VPS13B: variants seen among roughly 807,000 people sequenced by gnomAD.
VPS13B encodes vacuolar protein sorting 13 homolog B.
A neutral mutation model predicts 426.4 loss-of-function variants in VPS13B; 285 were observed. The ratio of observed to expected loss-of-function variants is 0.67; its 90% CI spans 0.61 to 0.74. VPS13B has a LOEUF of 0.74. Ranked by LOEUF, VPS13B falls within the 30% of genes least tolerant of loss-of-function variation. The pLI is 0.00. For missense variants in VPS13B, 4,537 were observed against 4,782.6 expected (o/e 0.95, Z 1.51); for synonymous variants, 1,676 against 1,676.4 (o/e 1.00, Z 0.01).
At chr8:99,530,581 T>C (rs1034512414) in intron 30 of VPS13B, among the ~76,000 whole-genome samples, 51 of 146,444 alleles carry the variant, frequency 3.5e-4, no homozygotes, top group African/African-American at 1.3e-3. Flanking sequence ...GCCACTGCAC[T>C]CCAGCCTGGG....
intron 19 of VPS13B, among the ~76,000 whole-genome samples, chr8:99,332,089 T>C (rs1021714161): frequency 1.3e-5 from 2 of 151,622 alleles, no homozygotes; most frequent in African/African-American, 4.8e-5. Context: ...TTGTAGAAAA[T>C]TGTGAATTTA....
intron 39 of VPS13B, among the ~76,000 whole-genome samples, chr8:99,724,875 C>G (rs927643583): frequency 9.9e-5 from 15 of 152,156 alleles, no homozygotes; most frequent in Non-Finnish European, 1.8e-4. Context: ...CCAGACTGAC[C>G]TTGAGAGCCC....
chr8:99,720,510 G>C lies in VPS13B; in HGVS notation c.6823G>C (p.Asp2275His), dbSNP rs1833091516. The C allele has an allele frequency of 6.2e-7, 1 of 1,613,908 alleles. No individual in the cohort carries two copies. Among genetic ancestry groups the C allele is most frequent in the African/African-American group, 1.3e-5 (1 of 74,928 alleles). Residue 2275 changes from aspartate to histidine, a missense_variant, in exon 38 of 62, where the codon GAT (aspartate) becomes CAT (histidine). By Grantham distance (81) the Asp-to-His change is moderately conservative. Coordinates refer to ENST00000357162, the MANE Select transcript of VPS13B (RefSeq NM_152564.5). ...GACATTTAAAAGTGAACAAAGTTCA[G>C]ATGACCTACGGACAGGTCTATTTCA... ...NQTFKSEQSS[D>H]DLRTGLFQYV...
intron 43 of VPS13B, among the ~76,000 whole-genome samples, chr8:99,795,349 T>C (rs1812753182): frequency 6.6e-6 from 1 of 152,228 alleles, no homozygotes; most frequent in Non-Finnish European, 1.5e-5. Flanking sequence ...GGCAGTCTCC[T>C]GTAGGGCCAT....
chr8:99,628,004 T>TGGA (rs1828687976), intron 33 of VPS13B, among the ~76,000 whole-genome samples: 1 of 152,244 alleles, frequency 6.6e-6, no homozygotes, highest in African/African-American at 2.4e-5. Context: ...TGAAAATCTC[T>TGGA]GGAAACAATG....
chr8:99,593,188 G>A lies in VPS13B; in HGVS notation c.5220+15555G>A, dbSNP rs187468690. On this transcript the variant is annotated intron_variant, in intron 33 of 61. Coordinates refer to ENST00000357162, the MANE Select transcript of VPS13B (RefSeq NM_152564.5). ...ATCTGACAAAGGTCTAATATCCAGA[G>A]TCTACAAGGAACTTAACCAAATTTA... 1.9e-3 allele frequency among the ~76,000 whole-genome samples: 290 copies of A among 151,742 alleles called. 2 individuals are homozygous for A. Among genetic ancestry groups the A allele is most frequent in the Admixed American group, 2.9e-3 (44 of 15,210 alleles).
At chr8:99,530,665 A>T (rs1455632926) in intron 30 of VPS13B, among the ~76,000 whole-genome samples, 1 of 152,084 alleles carries the variant, frequency 6.6e-6, no homozygotes, top group Non-Finnish European at 1.5e-5. Flanking sequence ...CAGCAGTAAT[A>T]GCTAACATCT....
chr8:99,818,512 A>AC lies in VPS13B; in HGVS notation c.8424dup (p.Ser2809LeufsTer37). 1 of 1,613,928 alleles carries AC rather than the reference A, an allele frequency of 6.2e-7. No individual in the cohort carries two copies. Among genetic ancestry groups the AC allele is most frequent in the Non-Finnish European group, 8.5e-7 (1 of 1,179,934 alleles). The stretch of plus-strand genomic sequence containing the variant: ...TGCACAGTTTTGACTTTAGAACCCA[A>AC]CTCTCAAGTGCAACAACGAATGGTG... On this transcript the variant is annotated frameshift_variant, in exon 46 of 62. Coordinates refer to ENST00000357162, the MANE Select transcript of VPS13B (RefSeq NM_152564.5). LOFTEE classifies it high-confidence loss of function.
rs1588661707 is a variant in VPS13B, at chr8:99,729,437, A to C, written c.7050+8390A>C. On this transcript the variant is annotated intron_variant, in intron 39 of 61. Coordinates refer to ENST00000357162, the MANE Select transcript of VPS13B (RefSeq NM_152564.5). The stretch of plus-strand genomic sequence containing the variant: ...AATCCTGTCGCTGTCTTCCCCTAGT[A>C]TCCTCTCAAAATGTAGGTTAGGCAA... Among the ~76,000 whole-genome samples, 7 of 152,314 alleles carry C rather than the reference A, an allele frequency of 4.6e-5. 2 individuals are homozygous for C. Among genetic ancestry groups the C allele is most frequent in the Admixed American group, 4.6e-4 (7 of 15,306 alleles).
intron 14 of VPS13B, among the ~76,000 whole-genome samples, chr8:99,151,211 T>G (rs1198174546): frequency 6.6e-6 from 1 of 152,222 alleles, no homozygotes; most frequent in East Asian, 1.9e-4. Context: ...TATTGCCCAT[T>G]TTTTAAGAGT....
At chr8:99,697,973 A>T (rs1324121215) in intron 35 of VPS13B, 2 of 409,176 alleles carry the variant, frequency 4.9e-6, no homozygotes, top group African/African-American at 2.1e-5. Context: ...AGAAGAGAAG[A>T]TGGAGGAGAA....
In VPS13B at chr8:99,820,132, C is replaced by CT. The variant is rs779535734; in HGVS notation, c.8994+16dup. 6.2e-7 allele frequency: 1 copy of CT among 1,610,832 alleles called. No homozygotes were observed. On this transcript the variant is annotated intron_variant, in intron 49 of 61. Coordinates refer to ENST00000357162, the MANE Select transcript of VPS13B (RefSeq NM_152564.5). Reference sequence around the variant, plus strand: ...TCCTCCTAATTTTCAGGTACTATAACTTTTTTAACTAATACGAATTCTTAT... The same window carrying CT: ...TCCTCCTAATTTTCAGGTACTATAACTTTTTTTAACTAATACGAATTCTTAT...
chr8:99,494,779 C>A (rs1251388638), intron 25 of VPS13B, among the ~76,000 whole-genome samples: 2 of 151,982 alleles, frequency 1.3e-5, no homozygotes, highest in Non-Finnish European at 2.9e-5. Context: ...TTGAAGTTTA[C>A]CATAATTATC....
intron 19 of VPS13B, among the ~76,000 whole-genome samples, chr8:99,357,532 G>GT (rs1203770852): frequency 6.6e-6 from 1 of 151,928 alleles, no homozygotes; most frequent in African/African-American, 2.4e-5. Flanking sequence ...GCCTAATAAA[G>GT]TTTTTTTGGT....
At chr8:99,435,409 G>T (rs1817318589) in intron 22 of VPS13B, among the ~76,000 whole-genome samples, 1 of 152,076 alleles carries the variant, frequency 6.6e-6, no homozygotes, top group Non-Finnish European at 1.5e-5. Flanking sequence ...ATGAAAGATA[G>T]TATTGGATTA....
intron 33 of VPS13B, among the ~76,000 whole-genome samples, chr8:99,636,167 C>T (rs553310186): frequency 6.8e-4 from 103 of 152,096 alleles, no homozygotes; most frequent in Non-Finnish European, 1.1e-3. Context: ...GATTTAAGTA[C>T]CATCTGGTTG....
intron 25 of VPS13B, among the ~76,000 whole-genome samples, chr8:99,492,205 G>A (rs1820641304): frequency 6.6e-6 from 1 of 152,190 alleles, no homozygotes; most frequent in Admixed American, 6.5e-5. Context: ...TTGCAGAACA[G>A]CAAATATTGC....
At chr8:99,739,107 A>T (rs1361670686) in intron 39 of VPS13B, among the ~76,000 whole-genome samples, 1 of 152,196 alleles carries the variant, frequency 6.6e-6, no homozygotes, top group Admixed American at 6.5e-5. Flanking sequence ...CACCTGGAAA[A>T]TCAGGTCACT....
chr8:99,664,294 C>T (rs1266547950), intron 35 of VPS13B, among the ~76,000 whole-genome samples: 9 of 151,456 alleles, frequency 5.9e-5, no homozygotes, highest in Non-Finnish European at 8.8e-5. Context: ...CATGAGCCAC[C>T]GTGCCCAGCC....
Sources: allele counts gnomAD v4.1 joint callset (sites outside exome capture counted in the v4.1 genomes callset), GRCh38; gene constraint gnomAD v4.1.1; transcripts MANE v1.5; gene names NCBI Gene and HGNC (gene_info 2026-07-23, HGNC 2026-07-21).